The following WDR4 variants were observed in gnomAD, a reference collection of about 807,000 sequenced individuals.
The protein encoded by WDR4 is WDR4 tRNA N7-guanosine methyltransferase non-catalytic subunit.
Under a neutral mutation model 48.6 loss-of-function variants are expected in WDR4, and 47 were observed. The observed-to-expected ratio is 0.97, with a 90% CI of 0.77 to 1.23. The LOEUF (loss-of-function observed/expected upper bound fraction) is 1.23. WDR4 is among the 50% of genes most tolerant of loss of function. The probability of loss-of-function intolerance (pLI) is 0.00; values close to 1 mark genes in which losing one functional copy is unlikely to be tolerated. For missense variants in WDR4, 606 were observed against 551.6 expected (o/e 1.10, Z -0.99); for synonymous variants, 268 against 230.0 (o/e 1.17, Z -1.49).
At chr21:42,886,897 T>C in the WDR4 span, 1 of 152,270 alleles carries the variant, frequency 6.6e-6, no homozygotes, top group African/African-American at 2.4e-5. Context: ...ACTGGTAGGA[T>C]GTGTTTCCTG....
rs2058584268 is a variant in WDR4 at position 42,879,511 on chromosome 21, A to G, written c.-16T>C. 1.9e-6 allele frequency: 3 copies of G among 1,612,112 alleles called. No individual in the cohort carries two copies. The highest frequency in any genetic ancestry group is 1.3e-5 in the African/African-American group (1 of 74,736). The stretch of plus-strand genomic sequence containing the variant: ...AGCCCGCCATGTACCCGCCCGCCTC[A>G]CCGCCATACACATGTGCCAGCCCAG... On this transcript the variant is annotated 5_prime_UTR_variant, in exon 1 of 11. Transcript: ENST00000398208.
downstream of WDR4, chr21:42,849,076 A>C (rs1265818598): frequency 9.2e-6 from 1 of 108,508 alleles, no homozygotes; most frequent in African/African-American, 3.7e-5. Flanking sequence ...CACACAGCGC[A>C]CGATCACACC....
chr21:42,858,455 T>G (rs554099705), intron 6 of WDR4, among the ~76,000 whole-genome samples: 1 of 152,256 alleles, frequency 6.6e-6, no homozygotes, highest in Non-Finnish European at 1.5e-5. Flanking sequence ...AGGGAAACCG[T>G]TTCAACCAGG....
At chr21:42,885,392 C>T in the WDR4 span, among the ~76,000 whole-genome samples, 3 of 152,088 alleles carry the variant, frequency 2.0e-5, no homozygotes, top group African/African-American at 7.2e-5. Context: ...AGGCAGACCA[C>T]CTAAGGTCAG....
Position 42,852,203 on chromosome 21 carries a change from G to A in WDR4, c.1045+52C>T, listed in dbSNP as rs2057848685. 4.4e-6 allele frequency: 7 copies of A among 1,596,962 alleles called. No homozygotes were observed. The South Asian group carries it at 7.8e-5, about 18-fold the overall frequency. On this transcript the variant is annotated intron_variant, in intron 10 of 10. Transcript: ENST00000398208. ...CACAGTGTGTGCTTCTGCTTTCTCT[G>A]GGGACCGCGCTGGGTGTGACCCCCA...
Position 42,862,363 on chromosome 21 carries a change from G to A in WDR4, c.485C>T (p.Thr162Ile), listed in dbSNP as rs1417557870. The A allele has an allele frequency of 6.2e-7, 1 of 1,611,108 alleles. No homozygotes were observed. Among genetic ancestry groups the A allele is most frequent in the Non-Finnish European group, 8.5e-7 (1 of 1,178,840 alleles). ...AVSPDDRFIL[T>I]ADRDEKIRVS... is the part of the protein sequence containing the mutation. ...TCGGATCTTCTCGTCCCGGTCGGCAGTGAGGATGAAGCGGTCATCAGGACT... is the reference window on the plus strand; with the variant it reads ...TCGGATCTTCTCGTCCCGGTCGGCAATGAGGATGAAGCGGTCATCAGGACT... The change falls in exon 5 of 11, where the codon ACT becomes ATT. Residue 162 changes from threonine (T) to isoleucine (I), a missense_variant. Physicochemically the swap from Thr to Ile is moderately conservative, Grantham distance 89. Coordinates refer to ENST00000398208, the MANE Select transcript of WDR4 (RefSeq NM_018669.6). This position sits in a 1 kb window ranked among gnomAD's most constrained non-coding sequence, Gnocchi z 4.3.
the WDR4 span, among the ~76,000 whole-genome samples, chr21:42,891,695 C>G: frequency 6.6e-6 from 1 of 151,900 alleles, no homozygotes; most frequent in African/African-American, 2.4e-5. Flanking sequence ...TAGTGGCTCA[C>G]GCCTGTAACC....
At chr21:42,891,164 A>T in the WDR4 span, among the ~76,000 whole-genome samples, 1 of 152,094 alleles carries the variant, frequency 6.6e-6, no homozygotes, top group African/African-American at 2.4e-5. Flanking sequence ...CTCTACTAAA[A>T]ATACAAAAAT....
chr21:42,859,568 G>GCGATCCACAGGGGCCAT, intron 6 of WDR4, 94 bp downstream of exon 6: 2 of 1,371,824 alleles, frequency 1.5e-6, no homozygotes, highest in Non-Finnish European at 2.0e-6. Context: ...CCAGGGGCCA[G>GCGATCCACAGGGGCCAT]CGATCCACAG....
intron 6 of WDR4, 27 bp downstream of exon 6, chr21:42,859,635 G>T (rs1270110998): frequency 7.1e-7 from 1 of 1,417,360 alleles, no homozygotes; most frequent in South Asian, 1.2e-5. Flanking sequence ...GAATCCAGAG[G>T]TGAGTGACGC....
intron 8 of WDR4, among the ~76,000 whole-genome samples, chr21:42,854,100 A>C (rs1193552288): frequency 1.3e-5 from 2 of 152,200 alleles, no homozygotes; most frequent in African/African-American, 4.8e-5. Context: ...TGTCATAAGG[A>C]CAAGATGAAA....
At chr21:42,855,014 T>G (rs1107829) in intron 7 of WDR4, among the ~76,000 whole-genome samples, 65,210 of 151,644 alleles carry the variant, frequency 0.43, 15,329 homozygotes, top group African/African-American at 0.63. Flanking sequence ...GAAGAGGCCG[T>G]GCACAGTGGC....
chr21:42,865,301 T>C (rs1011035453), intron 3 of WDR4, among the ~76,000 whole-genome samples: 2 of 152,184 alleles, frequency 1.3e-5, no homozygotes, highest in Non-Finnish European at 2.9e-5. Flanking sequence ...CAAACAGCCC[T>C]GCACTGCACC....
At chr21:42,876,434 GA>G (rs1274266935) in intron 2 of WDR4, among the ~76,000 whole-genome samples, 1 of 151,996 alleles carries the variant, frequency 6.6e-6, no homozygotes, top group Non-Finnish European at 1.5e-5. Context: ...GGATGGTCTG[GA>G]AATTCTGACC....
chr21:42,843,415 T>C (rs1226007485), intron 11 of WDR4: 3 of 140,270 alleles, frequency 2.1e-5, no homozygotes, highest in African/African-American at 8.0e-5. Context: ...GCTTTTTTTT[T>C]TTTTTTTTTT....
chr21:42,855,487 A>G (rs540299948), intron 7 of WDR4, among the ~76,000 whole-genome samples, 195 bp downstream of exon 7: 5 of 152,236 alleles, frequency 3.3e-5, no homozygotes, highest in Non-Finnish European at 7.3e-5. Flanking sequence ...TTTGCATGCA[A>G]CAGGGAGACA....
At chr21:42,887,622 T>C in the WDR4 span, among the ~76,000 whole-genome samples, 1 of 152,218 alleles carries the variant, frequency 6.6e-6, no homozygotes, top group African/African-American at 2.4e-5. Context: ...TTTTATGCAG[T>C]TGTGATTGAA....
Position 42,849,485 on chromosome 21 carries a change from G to A in WDR4, c.*564C>T, listed in dbSNP as rs1424185950. On this transcript the variant is annotated 3_prime_UTR_variant, in exon 11 of 11. Coordinates refer to ENST00000398208, the MANE Select transcript of WDR4 (RefSeq NM_018669.6). ...AGAGCTCCCTGCGACTCCGAAACGT[G>A]TTTCTCACTTCCCACAAGGGAGCCA... The A allele has an allele frequency of 6.6e-6, 1 of 152,376 alleles. No homozygotes were observed. 9.4% of individuals were successfully genotyped at this position (152,376 alleles called of 1,614,324 possible). A position where few individuals can be genotyped will look rare whatever the true frequency, so the allele number is the denominator to read the frequency against.
intron 1 of WDR4, among the ~76,000 whole-genome samples, chr21:42,878,112 CA>C (rs1453752744): frequency 6.6e-6 from 1 of 151,450 alleles, no homozygotes; most frequent in East Asian, 1.9e-4. Context: ...ATTCTGTATA[CA>C]AATTTCAAAG....
Sources: allele counts gnomAD v4.1 joint callset (sites outside exome capture counted in the v4.1 genomes callset), GRCh38; gene constraint gnomAD v4.1.1; non-coding constraint Gnocchi (gnomAD v3.1); transcripts MANE v1.5; gene names NCBI Gene and HGNC (gene_info 2026-07-23, HGNC 2026-07-21).